Variants in GSK3B observed in about 807,000 individuals in gnomAD.
GSK3B encodes glycogen synthase kinase 3 beta.
Under a neutral mutation model 56.4 loss-of-function variants are expected in GSK3B, and 15 were observed. That is an observed-to-expected ratio of 0.27 (90% CI 0.18 to 0.41). GSK3B has a LOEUF of 0.41. Among genes scored for constraint, GSK3B ranks in the 10% least tolerant of loss-of-function variants. The pLI is 1.00. For synonymous variants in GSK3B, 181 were observed against 188.9 expected (o/e 0.96, Z 0.34); for missense variants, 300 against 513.4 (o/e 0.58, Z 4.02).
At chr3:119,895,509 T>C (rs2056552837) in intron 7 of GSK3B, among the ~76,000 whole-genome samples, 1 of 152,160 alleles carries the variant, frequency 6.6e-6, no homozygotes, top group Admixed American at 6.6e-5. Context: ...TAGTTTTCCA[T>C]AATGGTTGTA....
chr3:120,033,922 C>T (rs926804707), intron 1 of GSK3B, among the ~76,000 whole-genome samples: 7 of 152,130 alleles, frequency 4.6e-5, no homozygotes, highest in Non-Finnish European at 8.8e-5. Flanking sequence ...GTCAATTAAA[C>T]CTCTTTTCTT....
chr3:119,972,902 G>A (rs1290207437), intron 2 of GSK3B, among the ~76,000 whole-genome samples: 1 of 152,122 alleles, frequency 6.6e-6, no homozygotes, highest in Non-Finnish European at 1.5e-5. Context: ...AAAGAGCCAC[G>A]TTTGTTACAA....
chr3:119,998,794 T>C (rs1157621238), intron 2 of GSK3B, among the ~76,000 whole-genome samples: 1 of 152,030 alleles, frequency 6.6e-6, no homozygotes, highest in Non-Finnish European at 1.5e-5. Context: ...CTACAAAAAA[T>C]TTAAAACAGA....
intron 1 of GSK3B, among the ~76,000 whole-genome samples, chr3:120,064,945 C>T (rs2058267092): frequency 6.6e-6 from 1 of 152,154 alleles, no homozygotes; most frequent in African/African-American, 2.4e-5. Context: ...CAACTAGACC[C>T]TTACCTTACT....
At chr3:119,966,404 T>G (rs1023744675) in intron 2 of GSK3B, among the ~76,000 whole-genome samples, 2 of 152,028 alleles carry the variant, frequency 1.3e-5, no homozygotes, top group African/African-American at 2.4e-5. Context: ...TTAAAATGAT[T>G]ATTAAATATT....
At chr3:120,066,254 G>C (rs2058277619) in intron 1 of GSK3B, among the ~76,000 whole-genome samples, 1 of 151,860 alleles carries the variant, frequency 6.6e-6, no homozygotes, top group African/African-American at 2.4e-5. Context: ...CCACTAAAAG[G>C]AATCAGAACC....
intron 9 of GSK3B, among the ~76,000 whole-genome samples, chr3:119,858,503 C>T (rs1455199865): frequency 1.3e-5 from 2 of 152,252 alleles, no homozygotes; most frequent in African/African-American, 2.4e-5. Context: ...AGCTTCCTCA[C>T]CTCTCTCAGC....
intron 3 of GSK3B, among the ~76,000 whole-genome samples, chr3:119,929,790 T>C (rs2107472684): frequency 6.6e-6 from 1 of 151,656 alleles, no homozygotes; most frequent in South Asian, 2.1e-4. Context: ...TAATCCCAGC[T>C]ACTCTGGACG....
At chr3:120,066,718 T>G (rs1208438969) in intron 1 of GSK3B, among the ~76,000 whole-genome samples, 1 of 152,208 alleles carries the variant, frequency 6.6e-6, no homozygotes, top group Non-Finnish European at 1.5e-5. Context: ...AAGGGCCAGA[T>G]AGTAAATATT....
intron 1 of GSK3B, among the ~76,000 whole-genome samples, chr3:120,003,441 C>T (rs1224947442): frequency 6.6e-6 from 1 of 152,312 alleles, no homozygotes; most frequent in Admixed American, 6.5e-5. Context: ...TCTCTCTTCC[C>T]TGACAAATCT....
intron 9 of GSK3B, among the ~76,000 whole-genome samples, chr3:119,859,332 C>T (rs951342910): frequency 6.6e-6 from 1 of 152,110 alleles, no homozygotes; most frequent in African/African-American, 2.4e-5. Flanking sequence ...GAAGAAAATG[C>T]CTAGCACATG....
In GSK3B at chr3:119,826,619, G is replaced by T. The variant is rs772335906; in HGVS notation, c.*169C>A. The stretch of plus-strand genomic sequence containing the variant: ...ACAATGAAATTGGTTTGTATTTATA[G>T]ATATTTTACAAGGTTAAATAAGAAC... On this transcript the variant is annotated 3_prime_UTR_variant, in exon 11 of 11. Coordinates refer to ENST00000264235, the MANE Select transcript of GSK3B (RefSeq NM_001146156.2). 1 of 483,340 alleles carries T rather than the reference G, an allele frequency of 2.1e-6. No homozygotes were observed. The highest frequency in any genetic ancestry group is 1.6e-5 in the South Asian group (1 of 64,060). 29.9% of individuals were successfully genotyped at this position (483,340 alleles called of 1,614,324 possible).
chr3:119,888,459 T>C (rs2056464527), intron 7 of GSK3B, among the ~76,000 whole-genome samples: 1 of 96,230 alleles, frequency 1.0e-5, no homozygotes, highest in African/African-American at 3.8e-5. Context: ...AACAGTTCTG[T>C]AATTTCTTAT....
intron 1 of GSK3B, among the ~76,000 whole-genome samples, chr3:120,078,344 T>C (rs1455196921): frequency 1.3e-5 from 2 of 152,196 alleles, no homozygotes; most frequent in East Asian, 1.9e-4. Context: ...ATACAACTTA[T>C]ATTGATACCA....
intron 1 of GSK3B, among the ~76,000 whole-genome samples, chr3:120,005,587 C>T (rs2057719783): frequency 6.6e-6 from 1 of 152,220 alleles, no homozygotes; most frequent in South Asian, 2.1e-4. Context: ...TCGGCAGAAA[C>T]TCTACAAGCC....
At chr3:119,938,905 C>T (rs75501352) in intron 3 of GSK3B, among the ~76,000 whole-genome samples, 2,431 of 151,874 alleles carry the variant, frequency 0.016, 63 homozygotes, top group African/African-American at 0.056. Context: ...TTGTCTCAGG[C>T]ACTGGGCTAA....
chr3:119,930,592 T>A (rs142725339), intron 3 of GSK3B, among the ~76,000 whole-genome samples: 2 of 152,274 alleles, frequency 1.3e-5, no homozygotes, highest in East Asian at 1.9e-4. Context: ...ACCTGCAATA[T>A]GAAATTTAAC....
intron 5 of GSK3B, 88 bp from the exon 6 acceptor site, chr3:119,912,898 A>G: frequency 1.8e-6 from 1 of 545,716 alleles, no homozygotes; most frequent in Admixed American, 2.9e-5. Context: ...CACAGTATCA[A>G]ATGATTTTAT....
Position 119,825,394 on chromosome 3 carries a change from G to T in GSK3B, c.*1394C>A, listed in dbSNP as rs1323128683. On this transcript the variant is annotated 3_prime_UTR_variant, in exon 11 of 11. Transcript: ENST00000264235. Reference sequence around the variant, plus strand: ...TTAACATCGTTCACTGATACACAAAGAAAACAGACACAAAAACTCTTAACT... The same window carrying T: ...TTAACATCGTTCACTGATACACAAATAAAACAGACACAAAAACTCTTAACT... The T allele has an allele frequency of 4.3e-6, 1 of 229,966 alleles. No homozygotes were observed. The highest frequency in any genetic ancestry group is 8.6e-6 in the Non-Finnish European group (1 of 116,268). The allele number at this position is 229,966 out of a possible 1,614,324, so 14.2% of individuals were successfully genotyped here.
Sources: gnomAD v4.1 joint callset for allele counts (sites outside exome capture counted in the v4.1 genomes callset) on GRCh38, gnomAD v4.1.1 for gene constraint, MANE v1.5 for transcripts, NCBI Gene and HGNC (gene_info 2026-07-23, HGNC 2026-07-21) for gene names.